NAV2: variants seen among roughly 807,000 people sequenced by gnomAD.
NAV2 encodes neuron navigator 2.
In NAV2, 54 loss-of-function variants were observed where a neutral mutation model predicts 223.2. The observed-to-expected ratio is 0.24, with a 90% CI of 0.19 to 0.30. The LOEUF is 0.30. NAV2 is among the 10% of genes least tolerant of loss of function. NAV2 has a pLI of 1.00. For missense variants in NAV2, 2,806 were observed against 3,147.5 expected (o/e 0.89, Z 2.60); for synonymous variants, 1,279 against 1,239.3 (o/e 1.03, Z -0.67).
intron 1 of NAV2, among the ~76,000 whole-genome samples, chr11:19,590,045 TC>T (rs1032908712): frequency 6.6e-6 from 1 of 152,142 alleles, no homozygotes; most frequent in African/African-American, 2.4e-5. Context: ...GCTGTGTGGG[TC>T]CCAGGCTAGG....
rs191538220 is a variant in NAV2, at chr11:19,945,711, G to A, written c.2147-690G>A. 2.7e-4 allele frequency among the ~76,000 whole-genome samples: 41 copies of A among 152,300 alleles called. No homozygotes were observed. The East Asian group carries it at 7.9e-3, about 29-fold the overall frequency. On this transcript the variant is annotated intron_variant, in intron 8 of 37. Coordinates refer to ENST00000349880, the MANE Select transcript of NAV2 (RefSeq NM_145117.5). ...GGCTTGTGTTGAGTGCTTATGGTGG[G>A]CACTGTGCTAAGGGATCTCCAGGCC...
chr11:19,407,247 C>T (rs1035391781), intron 1 of NAV2, among the ~76,000 whole-genome samples: 1 of 152,186 alleles, frequency 6.6e-6, no homozygotes, highest in African/African-American at 2.4e-5. Context: ...GCAGCCCCTG[C>T]CTCTATGGAG....
intron 1 of NAV2, among the ~76,000 whole-genome samples, chr11:19,356,664 G>A (rs1853637717): frequency 1.3e-5 from 2 of 152,274 alleles, no homozygotes; most frequent in African/African-American, 4.8e-5. Flanking sequence ...GAACCATGTG[G>A]CCTTTTGGGG....
intron 1 of NAV2, among the ~76,000 whole-genome samples, chr11:19,626,802 G>A (rs1420226647): frequency 6.6e-6 from 1 of 152,016 alleles, no homozygotes; most frequent in Non-Finnish European, 1.5e-5. Context: ...ATAGGTTTTA[G>A]TGTCAGATCC....
At chr11:19,572,704 T>A (rs2045461222) in intron 1 of NAV2, among the ~76,000 whole-genome samples, 1 of 152,242 alleles carries the variant, frequency 6.6e-6, no homozygotes, top group African/African-American at 2.4e-5. Context: ...ACTTATGAGC[T>A]GCATGACTTT....
chr11:19,609,330 G>T (rs1213124988), intron 1 of NAV2, among the ~76,000 whole-genome samples: 2 of 152,126 alleles, frequency 1.3e-5, no homozygotes, highest in African/African-American at 2.4e-5. Context: ...GAAATTGAGA[G>T]TTGCAAATTG....
intron 1 of NAV2, among the ~76,000 whole-genome samples, chr11:19,386,953 T>G (rs1289127828): frequency 6.6e-6 from 1 of 152,048 alleles, no homozygotes; most frequent in Non-Finnish European, 1.5e-5. Context: ...ATGGGATGGG[T>G]GCTGGGAGCT....
chr11:19,763,293 T>C (rs1277194227), intron 1 of NAV2, among the ~76,000 whole-genome samples: 3 of 152,218 alleles, frequency 2.0e-5, no homozygotes, highest in Non-Finnish European at 4.4e-5. Context: ...GAGATGGTGA[T>C]TGATATCTGG....
At chr11:19,382,668 A>G (rs562416741) in intron 1 of NAV2, among the ~76,000 whole-genome samples, 55 of 152,338 alleles carry the variant, frequency 3.6e-4, no homozygotes, top group Middle Eastern at 3.4e-3. Flanking sequence ...TGAAACTTAT[A>G]TAAGGTTTGC....
chr11:19,938,570 A>C (rs1187834993), intron 7 of NAV2, among the ~76,000 whole-genome samples: 1 of 152,252 alleles, frequency 6.6e-6, no homozygotes, highest in Non-Finnish European at 1.5e-5. Context: ...TTAAAACTTT[A>C]AAATATTATG....
chr11:19,671,997 A>G (rs1269554126), intron 1 of NAV2, among the ~76,000 whole-genome samples: 1 of 152,212 alleles, frequency 6.6e-6, no homozygotes, highest in African/African-American at 2.4e-5. Context: ...TACAATAGTG[A>G]TGGGTGCCAC....
intron 1 of NAV2, among the ~76,000 whole-genome samples, chr11:19,654,317 A>C (rs1405053932): frequency 9.9e-5 from 15 of 152,218 alleles, no homozygotes; most frequent in Middle Eastern, 3.4e-3. Flanking sequence ...CCATACTGCC[A>C]AAGGTAATTT....
rs1246602877 is a variant in NAV2, at chr11:19,998,740, T to C, written c.2768+14493T>C. Among the ~76,000 whole-genome samples, 2 of 152,194 alleles carry C rather than the reference T, an allele frequency of 1.3e-5. No individual in the cohort carries two copies. Among genetic ancestry groups the C allele is most frequent in the East Asian group, 3.9e-4 (2 of 5,194 alleles). On this transcript the variant is annotated intron_variant, in intron 11 of 37. Coordinates refer to ENST00000349880, the MANE Select transcript of NAV2 (RefSeq NM_145117.5). The surrounding 1 kb of genome is among the most constrained non-coding windows in gnomAD (Gnocchi z 5.0). ...CTCCTTTTCTCCTTATAAGCCTGGCTTATTCTCTTCCTTCAGGTCTCAACT... is the reference window on the plus strand; with the variant it reads ...CTCCTTTTCTCCTTATAAGCCTGGCCTATTCTCTTCCTTCAGGTCTCAACT...
rs2048055348 is a variant in NAV2, at chr11:19,654,337, A to T, written c.76-178147A>T. Among the ~76,000 whole-genome samples, 4 of 152,250 alleles carry T rather than the reference A, an allele frequency of 2.6e-5. No homozygotes were observed. The South Asian group carries it at 8.3e-4, about 32-fold the overall frequency. ...CTGCCAAAGGTAATTTACAGATTCA[A>T]TGCCATCCCCATCAAGCTACCAATG... On this transcript the variant is annotated intron_variant, in intron 1 of 37. Coordinates refer to the NAV2 transcript ENST00000360655.
chr11:19,558,818 G>T (rs1231012315), intron 1 of NAV2, among the ~76,000 whole-genome samples: 2 of 152,138 alleles, frequency 1.3e-5, no homozygotes, highest in Admixed American at 1.3e-4. Flanking sequence ...GCCATCCCTG[G>T]ATTCCCTGTC....
At chr11:19,807,328 CA>C (rs549586269) in intron 1 of NAV2, among the ~76,000 whole-genome samples, 381 of 152,300 alleles carry the variant, frequency 2.5e-3, no homozygotes, top group African/African-American at 8.5e-3. Context: ...CCTCCACCCT[CA>C]CCTTCCTGCT....
At chr11:20,092,089 C>T (rs368625032) in intron 27 of NAV2, 117 bp from the exon 28 acceptor site, 26 of 921,960 alleles carry the variant, frequency 2.8e-5, no homozygotes, top group Admixed American at 1.2e-4. Context: ...GGGTGTTGTT[C>T]GCCTTGGGTG....
At chr11:19,826,033 C>T (rs185188032) in intron 1 of NAV2, among the ~76,000 whole-genome samples, 2 of 152,246 alleles carry the variant, frequency 1.3e-5, no homozygotes, top group East Asian at 3.9e-4. Context: ...AGAGGGGTAC[C>T]TCTGCAAGAT....
At chr11:20,032,410 G>T (rs1233856540) in intron 11 of NAV2, among the ~76,000 whole-genome samples, 3 of 152,150 alleles carry the variant, frequency 2.0e-5, no homozygotes, top group Admixed American at 6.5e-5. Flanking sequence ...TATTATGTTG[G>T]TGTTGAAAGG....
Sources: allele counts gnomAD v4.1 joint callset (sites outside exome capture counted in the v4.1 genomes callset), GRCh38; gene constraint gnomAD v4.1.1; non-coding constraint Gnocchi (gnomAD v3.1); transcripts MANE v1.5; gene names NCBI Gene and HGNC (gene_info 2026-07-23, HGNC 2026-07-21).